AK5: variants seen among roughly 807,000 people sequenced by gnomAD.
AK5 encodes the protein adenylate kinase 5.
A neutral mutation model predicts 69.5 loss-of-function variants in AK5; 27 were observed. The observed-to-expected ratio is 0.39, with a 90% CI of 0.29 to 0.54. The LOEUF (loss-of-function observed/expected upper bound fraction) is 0.54, where lower values mean the gene tolerates loss of function less well. AK5 is among the 20% of genes least tolerant of loss of function. The probability of loss-of-function intolerance (pLI) is 0.71; values close to 1 mark genes in which losing one functional copy is unlikely to be tolerated. For synonymous variants in AK5, 260 were observed against 244.4 expected (o/e 1.06, Z -0.60); for missense variants, 531 against 700.4 (o/e 0.76, Z 2.73).
intron 10 of AK5, among the ~76,000 whole-genome samples, chr1:77,495,533 T>C (rs534171355): frequency 5.9e-5 from 9 of 152,342 alleles, no homozygotes; most frequent in Middle Eastern, 3.4e-3. Context: ...AGGAAACAAT[T>C]TGAACCCATA....
Position 77,400,758 on chromosome 1 carries a change from C to T in AK5, c.892-10223C>T, listed in dbSNP as rs1406001428. Among the ~76,000 whole-genome samples, 3 of 151,988 alleles carry T rather than the reference C, an allele frequency of 2.0e-5. 1 individual carries two copies. In the East Asian group the frequency reaches 5.8e-4, roughly 29 times the overall value. Reference sequence around the variant, plus strand: ...GTGTTGACTTTTTCCCCACAAAGTTCTCTGGGTGCTGCCTATATCCAGTGA... The same window carrying T: ...GTGTTGACTTTTTCCCCACAAAGTTTTCTGGGTGCTGCCTATATCCAGTGA... On this transcript the variant is annotated intron_variant, in intron 6 of 13. Coordinates refer to ENST00000354567, the MANE Select transcript of AK5 (RefSeq NM_174858.3).
intron 6 of AK5, among the ~76,000 whole-genome samples, chr1:77,373,381 T>G (rs1437750595): frequency 1.3e-5 from 2 of 152,202 alleles, no homozygotes; most frequent in African/African-American, 4.8e-5. Flanking sequence ...CTTACATATA[T>G]TAATAGTAAT....
Position 77,282,215 on chromosome 1 carries a change from C to A in AK5, c.-99C>A. ...CGTGAGAAAGAGGGCTGCACCGCTG[C>A]TCGGCGCGGACTCTGCCAGCCCCAG... On this transcript the variant is annotated 5_prime_UTR_variant, in exon 1 of 14. Coordinates refer to ENST00000354567, the MANE Select transcript of AK5 (RefSeq NM_174858.3). The A allele has an allele frequency of 8.5e-7, 1 of 1,180,134 alleles. No homozygotes were observed. 73.1% of individuals were successfully genotyped at this position (1,180,134 alleles called of 1,614,324 possible).
At chr1:77,421,057 T>C (rs1462500828) in intron 8 of AK5, among the ~76,000 whole-genome samples, 1 of 152,216 alleles carries the variant, frequency 6.6e-6, no homozygotes, top group Non-Finnish European at 1.5e-5. Context: ...AAATGTAAAA[T>C]TCATTCTTGC....
At chr1:77,507,818 C>T (rs892088312) in intron 10 of AK5, among the ~76,000 whole-genome samples, 2 of 152,146 alleles carry the variant, frequency 1.3e-5, no homozygotes, top group Non-Finnish European at 2.9e-5. Context: ...TCTAGAAGTT[C>T]CAAATCAGGC....
chr1:77,371,655 C>T (rs1647124453), intron 6 of AK5, among the ~76,000 whole-genome samples: 1 of 152,160 alleles, frequency 6.6e-6, no homozygotes, highest in Non-Finnish European at 1.5e-5. Flanking sequence ...CCATCTGGGT[C>T]AGCTTGCTTC....
intron 6 of AK5, among the ~76,000 whole-genome samples, chr1:77,384,225 C>T (rs1647851054): frequency 6.6e-6 from 1 of 152,136 alleles, no homozygotes; most frequent in South Asian, 2.1e-4. Flanking sequence ...AGAAACTCTA[C>T]AGCGACAGAG....
At chr1:77,391,997 A>G (rs1305273117) in intron 6 of AK5, among the ~76,000 whole-genome samples, 2 of 152,246 alleles carry the variant, frequency 1.3e-5, no homozygotes, top group African/African-American at 4.8e-5. Flanking sequence ...ATGGACAGGT[A>G]CGTAGACTCC....
chr1:77,336,306 T>C (rs1268747911), intron 5 of AK5, among the ~76,000 whole-genome samples: 1 of 152,056 alleles, frequency 6.6e-6, no homozygotes, highest in Non-Finnish European at 1.5e-5. Flanking sequence ...GGTCTCGATC[T>C]CTTAACCTCA....
chr1:77,413,254 C>A (rs376227295), intron 7 of AK5, among the ~76,000 whole-genome samples: 8 of 152,258 alleles, frequency 5.3e-5, no homozygotes, highest in African/African-American at 1.9e-4. Flanking sequence ...CTGCTCTTCT[C>A]TCTGCTTAGA....
intron 5 of AK5, among the ~76,000 whole-genome samples, chr1:77,306,890 T>G (rs1239542032): frequency 6.6e-6 from 1 of 152,038 alleles, no homozygotes; most frequent in Non-Finnish European, 1.5e-5. Context: ...GCTGCTCATA[T>G]CAGCCACTAA....
intron 10 of AK5, among the ~76,000 whole-genome samples, chr1:77,500,007 C>T (rs1185646359): frequency 1.3e-5 from 2 of 148,646 alleles, no homozygotes; most frequent in East Asian, 2.0e-4. Context: ...GATTAAGTTA[C>T]TTCCCCCCAA....
chr1:77,476,990 G>T (rs545807159), intron 8 of AK5, among the ~76,000 whole-genome samples: 2 of 140,622 alleles, frequency 1.4e-5, no homozygotes, highest in East Asian at 2.0e-4. Context: ...ATCTATTTTT[G>T]ATTGTTCTTT....
At chr1:77,462,477 T>G (rs1050220977) in intron 8 of AK5, among the ~76,000 whole-genome samples, 1 of 152,138 alleles carries the variant, frequency 6.6e-6, no homozygotes, top group Non-Finnish European at 1.5e-5. Context: ...GAAAAGCATC[T>G]ATAACCATGC....
intron 8 of AK5, among the ~76,000 whole-genome samples, chr1:77,472,635 G>A (rs201838392): frequency 6.6e-6 from 1 of 151,952 alleles, no homozygotes; most frequent in African/African-American, 2.4e-5. Flanking sequence ...GTAATCCCAG[G>A]ACTTTGGGAG....
intron 8 of AK5, among the ~76,000 whole-genome samples, chr1:77,483,014 A>AGGTG (rs1655361136): frequency 8.6e-6 from 1 of 116,168 alleles, no homozygotes; most frequent in African/African-American, 3.3e-5. Flanking sequence ...AAAAAAAAAA[A>AGGTG]AAAAAAAAAA....
chr1:77,439,792 G>C (rs1332139327), intron 8 of AK5, among the ~76,000 whole-genome samples: 1 of 149,758 alleles, frequency 6.7e-6, no homozygotes, highest in Non-Finnish European at 1.5e-5. Flanking sequence ...ATGTATACAT[G>C]TATATGTATA....
At chr1:77,428,547 A>G (rs955041050) in intron 8 of AK5, among the ~76,000 whole-genome samples, 4 of 152,176 alleles carry the variant, frequency 2.6e-5, no homozygotes, top group Non-Finnish European at 5.9e-5. Flanking sequence ...ACCAGCTTCA[A>G]AGGAGGAGGT....
chr1:77,451,174 G>GA (rs1239337045), intron 8 of AK5, among the ~76,000 whole-genome samples: 4 of 142,678 alleles, frequency 2.8e-5, no homozygotes, highest in African/African-American at 5.2e-5. Context: ...ACCCTGTCTC[G>GA]AAAAAAAAAT....
Sources: allele counts gnomAD v4.1 joint callset (sites outside exome capture counted in the v4.1 genomes callset), GRCh38; gene constraint gnomAD v4.1.1; transcripts MANE v1.5; gene names NCBI Gene and HGNC (gene_info 2026-07-23, HGNC 2026-07-21).